USH2A: variants seen among roughly 807,000 people sequenced by gnomAD.
USH2A encodes usherin.
A neutral mutation model predicts 538.9 loss-of-function variants in USH2A; 443 were observed. The ratio of observed to expected loss-of-function variants is 0.82; its 90% confidence interval spans 0.76 to 0.89. The LOEUF (loss-of-function observed/expected upper bound fraction) is 0.89. USH2A is among the 40% of genes least tolerant of loss of function. The pLI is 0.00. For synonymous variants in USH2A, 2,413 were observed against 2,273.5 expected, an observed-to-expected ratio of 1.06 and a Z score of -1.75; for missense variants, 6,633 against 6,324.8, an observed-to-expected ratio of 1.05 and a Z score of -1.65.
intron 70 of USH2A, chr1:215,630,258 A>C (rs1275630688): frequency 2.2e-6 from 1 of 457,442 alleles, no homozygotes. Context: ...CCACAGAGTC[A>C]AACTGAGAAC....
At chr1:216,381,533 G>A (rs1380965182) in intron 3 of USH2A, among the ~76,000 whole-genome samples, 3 of 152,056 alleles carry the variant, frequency 2.0e-5, no homozygotes, top group Non-Finnish European at 4.4e-5. Flanking sequence ...AAGTGGAAAG[G>A]GAACAATCAG....
intron 61 of USH2A, among the ~76,000 whole-genome samples, chr1:215,707,189 C>A (rs912160431): frequency 1.3e-5 from 2 of 152,062 alleles, no homozygotes; most frequent in Non-Finnish European, 2.9e-5. Context: ...TATTATTTTG[C>A]TTGGCTTATC....
chr1:215,641,036 T>C (rs577588593), intron 67 of USH2A, among the ~76,000 whole-genome samples: 1 of 152,146 alleles, frequency 6.6e-6, no homozygotes, highest in Non-Finnish European at 1.5e-5. Context: ...ACTATTAACA[T>C]ACAATGGATC....
chr1:216,338,600 T>C (rs1261587624), intron 4 of USH2A, among the ~76,000 whole-genome samples: 1 of 151,388 alleles, frequency 6.6e-6, no homozygotes, highest in Non-Finnish European at 1.5e-5. Context: ...AGACCAAAAA[T>C]ACAAAAAATT....
intron 44 of USH2A, among the ~76,000 whole-genome samples, chr1:215,859,669 C>A (rs1022504443): frequency 3.3e-5 from 5 of 152,090 alleles, no homozygotes. Context: ...AGTCCTGGAA[C>A]CAATCGCCTG....
chr1:215,628,723 T>TG lies in USH2A; in HGVS notation c.15519+90dup. 27 of 1,361,702 alleles carry TG rather than the reference T, an allele frequency of 2.0e-5. No individual in the cohort carries two copies. In the South Asian group the frequency reaches 3.2e-4, roughly 16 times the overall value. The allele number at this position is 1,361,702 out of a possible 1,614,324, so 84.4% of individuals were successfully genotyped here. A position where few individuals can be genotyped will look rare whatever the true frequency, so the allele number is the denominator to read the frequency against. On this transcript the variant is annotated intron_variant, in intron 71 of 71. Transcript: ENST00000307340. ...GCTAAGTGCTCAGAGGCGAGTGCCA[T>TG]GGGGCAGCATTCGGTGAAGTACAGG...
At chr1:216,292,517 G>T in intron 9 of USH2A, 147 bp from the exon 10 acceptor site, 1 of 880,130 alleles carries the variant, frequency 1.1e-6, no homozygotes, top group Non-Finnish European at 1.7e-6. Flanking sequence ...TATTTCGTAA[G>T]TCAGAAATAG....
Position 215,674,487 on chromosome 1 carries a change from C to T in USH2A, c.13424G>A (p.Arg4475Lys). 1 of 1,614,188 alleles carries T rather than the reference C, an allele frequency of 6.2e-7. No individual in the cohort carries two copies. The highest frequency in any genetic ancestry group is 8.5e-7 in the Non-Finnish European group (1 of 1,180,034). Residue 4475 changes from arginine to lysine, a missense_variant, in exon 63 of 72, where the codon AGA becomes AAA. Coordinates refer to ENST00000307340, the MANE Select transcript of USH2A (RefSeq NM_206933.4). Reference sequence around the variant, plus strand: ...TCCATCCCTCCTAAGTTCATAACTTCTGATCTGGCCATTTGGGTTTCTTGG... The same window carrying T: ...TCCATCCCTCCTAAGTTCATAACTTTTGATCTGGCCATTTGGGTTTCTTGG... ...KPPRNPNGQI[R>K]SYELRRDGTI...
intron 35 of USH2A, among the ~76,000 whole-genome samples, chr1:215,989,404 C>A (rs1032944051): frequency 1.4e-4 from 22 of 152,130 alleles, no homozygotes; most frequent in African/African-American, 4.8e-4. Flanking sequence ...TACCTGGCAC[C>A]TTGTGCACCT....
intron 30 of USH2A, among the ~76,000 whole-genome samples, chr1:216,066,103 A>G (rs889211106): frequency 2.0e-5 from 3 of 152,104 alleles, no homozygotes; most frequent in African/African-American, 7.3e-5. Flanking sequence ...TTGGCTAGAT[A>G]AAATGAAATG....
At chr1:215,961,743 C>T (rs1298108441) in intron 37 of USH2A, among the ~76,000 whole-genome samples, 2 of 151,470 alleles carry the variant, frequency 1.3e-5, no homozygotes, top group Non-Finnish European at 2.9e-5. Flanking sequence ...AGATGACAAC[C>T]CAAGCCAGTG....
chr1:215,753,495 G>C (rs1212266358), intron 58 of USH2A, among the ~76,000 whole-genome samples: 1 of 152,176 alleles, frequency 6.6e-6, no homozygotes, highest in African/African-American at 2.4e-5. Flanking sequence ...AAAATGATGA[G>C]TTCATGTCCT....
chr1:216,061,776 A>G (rs1440835420), intron 30 of USH2A, among the ~76,000 whole-genome samples: 1 of 152,190 alleles, frequency 6.6e-6, no homozygotes, highest in Admixed American at 6.5e-5. Context: ...AGGCAGAGAC[A>G]ATGGACTGTT....
intron 3 of USH2A, among the ~76,000 whole-genome samples, chr1:216,388,349 T>C (rs551899302): frequency 1.3e-5 from 2 of 152,016 alleles, no homozygotes; most frequent in Admixed American, 1.3e-4. Context: ...TCTTTCCAGA[T>C]TTCCTCTTTT....
chr1:216,127,161 A>G (rs557304388), intron 21 of USH2A, among the ~76,000 whole-genome samples: 1 of 152,224 alleles, frequency 6.6e-6, no homozygotes, highest in Admixed American at 6.5e-5. Flanking sequence ...ACAGCATTGC[A>G]CTAATAGTAT....
chr1:215,986,184 A>G (rs1053951514), intron 35 of USH2A, among the ~76,000 whole-genome samples: 3 of 152,008 alleles, frequency 2.0e-5, no homozygotes, highest in Non-Finnish European at 2.9e-5. Context: ...CAGTGTCACA[A>G]TTGTGGTTCA....
At chr1:216,348,791 A>G (rs1160108955) in intron 4 of USH2A, among the ~76,000 whole-genome samples, 1 of 152,074 alleles carries the variant, frequency 6.6e-6, no homozygotes, top group Non-Finnish European at 1.5e-5. Context: ...GTTGTGTTTA[A>G]GGTTTTTTTT....
chr1:216,252,408 C>A (rs3767696), intron 11 of USH2A, among the ~76,000 whole-genome samples: 1 of 152,132 alleles, frequency 6.6e-6, no homozygotes, highest in African/African-American at 2.4e-5. Flanking sequence ...AAGTAACCTA[C>A]ATGTGGAAAG....
chr1:215,884,085 G>A (rs184814628), intron 41 of USH2A, among the ~76,000 whole-genome samples: 7 of 152,174 alleles, frequency 4.6e-5, no homozygotes, highest in Admixed American at 1.3e-4. Flanking sequence ...GAGGGTAACG[G>A]GAGGGAGAGC....
Sources: gnomAD v4.1 joint callset for allele counts (sites outside exome capture counted in the v4.1 genomes callset) on GRCh38, gnomAD v4.1.1 for gene constraint, MANE v1.5 for transcripts, NCBI Gene and HGNC (gene_info 2026-07-23, HGNC 2026-07-21) for gene names.